NRL: variants seen among roughly 807,000 people sequenced by gnomAD.
The protein encoded by NRL is neural retina leucine zipper.
In NRL, 16 loss-of-function variants were observed where a neutral mutation model predicts 12.5. The observed-to-expected ratio is 1.28, with a 90% CI of 0.87 to 1.95. NRL has a LOEUF of 1.95. Ranked by LOEUF, NRL falls within the 30% of genes most tolerant of loss-of-function variation. The pLI, the probability that NRL is intolerant of heterozygous loss-of-function variation, is 0.00. For missense variants in NRL, 314 were observed against 325.8 expected, an observed-to-expected ratio of 0.96 and a Z score of 0.28; for synonymous variants, 142 against 150.9, an observed-to-expected ratio of 0.94 and a Z score of 0.43.
chr14:24,106,656 G>A (rs1594319007), intron 1 of NRL, among the ~76,000 whole-genome samples: 1 of 151,962 alleles, frequency 6.6e-6, no homozygotes, highest in Non-Finnish European at 1.5e-5. Context: ...GGGAGGCTGA[G>A]GTTGCAGTGA....
chr14:24,111,193 T>A (rs1211047472), intron 1 of NRL, among the ~76,000 whole-genome samples: 2 of 152,216 alleles, frequency 1.3e-5, no homozygotes, highest in Non-Finnish European at 2.9e-5. Context: ...TTGCCCAGGC[T>A]GGCCTTGAAC....
Position 24,081,274 on chromosome 14 carries a change from C to G in NRL, c.676G>C (p.Gly226Arg), listed in dbSNP as rs1207024550. ...KARCDRLTSSGPGSGDPSHLF... is the reference protein window; with the variant it reads ...KARCDRLTSSRPGSGDPSHLF... ...TGGGAGGGGTCCCCGGACCCGGGGC[C>G]GCTCGAGGTTAGCCGGTCACAGCGA... Residue 226 changes from glycine to arginine, a missense_variant, in exon 3 of 3, where the codon GGC (glycine) becomes CGC (arginine). Transcript: ENST00000561028. The surrounding 1 kb of genome is among the most constrained non-coding windows in gnomAD (Gnocchi z 4.4). The G allele has an allele frequency of 5.3e-6, 8 of 1,504,494 alleles. No individual in the cohort carries two copies. The highest frequency in any genetic ancestry group is 7.1e-6 in the Non-Finnish European group (8 of 1,125,278). The allele number at this position is 1,504,494 out of a possible 1,614,324, so 93.2% of individuals were successfully genotyped here.
At chr14:24,087,702 T>TA (rs1305798571) in intron 1 of NRL, among the ~76,000 whole-genome samples, 3 of 152,224 alleles carry the variant, frequency 2.0e-5, no homozygotes, top group African/African-American at 7.2e-5. Context: ...AGTAAGGCAT[T>TA]AGCGACCCCT....
chr14:24,082,063 T>C (rs1566560121), intron 2 of NRL: 2 of 1,202,958 alleles, frequency 1.7e-6, no homozygotes, highest in South Asian at 1.8e-5. Flanking sequence ...CCTGAGAAGG[T>C]TGGGGGCTGG....
At chr14:24,103,100 G>T in intron 1 of NRL, 1 of 1,374,514 alleles carries the variant, frequency 7.3e-7, no homozygotes, top group South Asian at 1.2e-5. Context: ...CTCACCAGAA[G>T]GGCTGGAGTT....
intron 1 of NRL, chr14:24,103,529 C>A: frequency 1.3e-6 from 2 of 1,557,860 alleles, no homozygotes; most frequent in Non-Finnish European, 1.7e-6. Context: ...TCATGCACGA[C>A]CCATTTGCCA....
Position 24,094,402 on chromosome 14 carries a change from T to TGCCATGGCCGCATTGTACC in NRL, c.-27-11546_-27-11528dup. On this transcript the variant is annotated intron_variant, in intron 1 of 2. Transcript: ENST00000561028. This position sits in a 1 kb window ranked among gnomAD's most constrained non-coding sequence, Gnocchi z 4.1. Reference sequence around the variant, plus strand: ...GGCCACCCCGCAGCCCCTGCCCAGGTGCCATGGCCGCATTGTACCGCCCTG... The same window carrying TGCCATGGCCGCATTGTACC: ...GGCCACCCCGCAGCCCCTGCCCAGGTGCCATGGCCGCATTGTACCGCCATGGCCGCATTGTACCGCCCTG... The TGCCATGGCCGCATTGTACC allele has an allele frequency of 6.4e-7, 1 of 1,557,970 alleles. No individual in the cohort carries two copies.
At position 24,081,022 on chromosome 14, in the gene NRL, C is replaced by T. The variant is rs1190064696; in HGVS notation, c.*214G>A. 13 of 397,866 alleles carry T rather than the reference C, an allele frequency of 3.3e-5. No individual in the cohort carries two copies. The highest frequency in any genetic ancestry group is 4.4e-5 in the Non-Finnish European group (10 of 227,688). The allele number at this position is 397,866 out of a possible 1,614,324, so 24.6% of individuals were successfully genotyped here. A position where few individuals can be genotyped will look rare whatever the true frequency, so the allele number is the denominator to read the frequency against. ...GTCATGTGGGCTGGGTTTCTGTGTT[C>T]GTAAGGGGAGGGGACCCCTCTCCAG... On this transcript the variant is annotated 3_prime_UTR_variant, in exon 3 of 3. Transcript: ENST00000561028. This position sits in a 1 kb window ranked among gnomAD's most constrained non-coding sequence, Gnocchi z 4.4.
At position 24,094,270 on chromosome 14, in the gene NRL, C is replaced by A; in HGVS notation, c.-27-11395G>T. 1.2e-6 allele frequency: 1 copy of A among 823,280 alleles called. No individual in the cohort carries two copies. Among genetic ancestry groups the A allele is most frequent in the Non-Finnish European group, 1.9e-6 (1 of 526,732 alleles). The allele number at this position is 823,280 out of a possible 1,614,324, so 51.0% of individuals were successfully genotyped here. On this transcript the variant is annotated intron_variant, in intron 1 of 2. Transcript: ENST00000561028. This position sits in a 1 kb window ranked among gnomAD's most constrained non-coding sequence, Gnocchi z 4.1. ...GCCCTACCAGGTTCCGCCCCCGCGC[C>A]TGCCCCCCTCCTTTTTAAGCGCCTC...
Position 24,081,196 on chromosome 14 carries a change from C to A in NRL, c.*40G>T, listed in dbSNP as rs1206232312. 1 of 1,348,882 alleles carries A rather than the reference C, an allele frequency of 7.4e-7. No individual in the cohort carries two copies. The highest frequency in any genetic ancestry group is 1.8e-5 in the South Asian group (1 of 55,804). 83.6% of individuals were successfully genotyped at this position (1,348,882 alleles called of 1,614,324 possible). A position where few individuals can be genotyped will look rare whatever the true frequency, so the allele number is the denominator to read the frequency against. ...CAGCCGCCTCCTGGGCGGAGCCACC[C>A]CACCCAGCCCCCACTACACCACAAG... On this transcript the variant is annotated 3_prime_UTR_variant, in exon 3 of 3. Coordinates refer to ENST00000561028, the MANE Select transcript of NRL (RefSeq NM_001354768.3). The surrounding 1 kb of genome is among the most constrained non-coding windows in gnomAD (Gnocchi z 4.4).
In NRL at chr14:24,080,162, C is replaced by A. The variant is rs574558502; in HGVS notation, c.*1074G>T. 1 of 152,342 alleles carries A rather than the reference C, an allele frequency of 6.6e-6. No individual in the cohort carries two copies. The highest frequency in any genetic ancestry group is 1.9e-4 in the East Asian group (1 of 5,190). The allele number at this position is 152,342 out of a possible 1,614,324, so 9.4% of individuals were successfully genotyped here. The stretch of plus-strand genomic sequence containing the variant: ...ACATTTAGCTTATTGCATTAGAATT[C>A]TGCCTGGACTTCAAGTTTAATTCAC... On this transcript the variant is annotated 3_prime_UTR_variant, in exon 3 of 3. Transcript: ENST00000561028.
chr14:24,092,983 G>C (rs930520431), intron 1 of NRL, among the ~76,000 whole-genome samples: 1 of 152,210 alleles, frequency 6.6e-6, no homozygotes, highest in South Asian at 2.1e-4. Flanking sequence ...AGCAGAAAGA[G>C]AGCTAACTTC....
intron 1 of NRL, chr14:24,095,520 A>C (rs1594283764): frequency 7.2e-6 from 2 of 279,354 alleles, no homozygotes; most frequent in South Asian, 3.3e-5. Flanking sequence ...CCAGGCTAAC[A>C]CCCTCTGAGT....
chr14:24,094,769 C>A lies in NRL; in HGVS notation c.-27-11894G>T. 7.1e-7 allele frequency: 1 copy of A among 1,416,100 alleles called. No homozygotes were observed. The highest frequency in any genetic ancestry group is 1.2e-5 in the South Asian group (1 of 82,090). The allele number at this position is 1,416,100 out of a possible 1,614,324, so 87.7% of individuals were successfully genotyped here. The stretch of plus-strand genomic sequence containing the variant: ...CATATCCTCCTTTCCTTCCCAGATA[C>A]CTCCCTCGGACCTCTAACGGGCTCT... On this transcript the variant is annotated intron_variant, in intron 1 of 2. Coordinates refer to ENST00000561028, the MANE Select transcript of NRL (RefSeq NM_001354768.3). This position sits in a 1 kb window ranked among gnomAD's most constrained non-coding sequence, Gnocchi z 4.1.
In NRL at chr14:24,080,804, G is replaced by T. The variant is rs1174362874; in HGVS notation, c.*432C>A. The stretch of plus-strand genomic sequence containing the variant: ...GAAAATTCTGTAGTGCTAAAATGGG[G>T]AGGTTACAAGCTTCAGAATGAAAAT... On this transcript the variant is annotated 3_prime_UTR_variant, in exon 3 of 3. Transcript: ENST00000561028. 1 of 160,626 alleles carries T rather than the reference G, an allele frequency of 6.2e-6. No individual in the cohort carries two copies. Among genetic ancestry groups the T allele is most frequent in the African/African-American group, 2.4e-5 (1 of 41,820 alleles). 10.0% of individuals were successfully genotyped at this position (160,626 alleles called of 1,614,324 possible).
In NRL at chr14:24,082,554, G is replaced by A; in HGVS notation, c.295C>T (p.Leu99=). ...ACAGGGACTGGGCCCTGACCCTGCA[G>A]CAGCTCCATGGCCTCTTCAGGACTC... The part of the protein sequence containing the change: ...GLSPEEAMEL[L]QGQGPVPVDG... The change falls in exon 2 of 3, where the codon CTG becomes TTG. Residue 99 remains leucine, a synonymous_variant. Coordinates refer to ENST00000561028, the MANE Select transcript of NRL (RefSeq NM_001354768.3). 2.5e-6 allele frequency: 4 copies of A among 1,613,548 alleles called. No individual in the cohort carries two copies. Among genetic ancestry groups the A allele is most frequent in the Non-Finnish European group, 3.4e-6 (4 of 1,180,026 alleles).
chr14:24,086,959 G>C (rs2036480925), intron 1 of NRL, among the ~76,000 whole-genome samples: 2 of 152,218 alleles, frequency 1.3e-5, no homozygotes, highest in South Asian at 4.1e-4. Context: ...GACCCAGAAA[G>C]CAGAGCCCAT....
intron 1 of NRL, among the ~76,000 whole-genome samples, chr14:24,083,920 TCACC>T (rs1267963034): frequency 6.6e-6 from 1 of 152,222 alleles, no homozygotes; most frequent in African/African-American, 2.4e-5. Flanking sequence ...GGGCACATGT[TCACC>T]TGAGGAACTT....
At chr14:24,089,416 T>C (rs577711072) in intron 1 of NRL, among the ~76,000 whole-genome samples, 14 of 152,214 alleles carry the variant, frequency 9.2e-5, no homozygotes, top group Middle Eastern at 6.8e-3. Context: ...CTGGCTACTT[T>C]TTTATTTTTT....
Sources: gnomAD v4.1 joint callset for allele counts (sites outside exome capture counted in the v4.1 genomes callset) on GRCh38, gnomAD v4.1.1 for gene constraint, Gnocchi (gnomAD v3.1) non-coding constraint, MANE v1.5 for transcripts, NCBI Gene and HGNC (gene_info 2026-07-23, HGNC 2026-07-21) for gene names.